Variants in CTNNA3 observed in about 807,000 individuals in gnomAD.
CTNNA3 encodes catenin alpha 3, also known as catenin alpha-3.
In CTNNA3, 76 loss-of-function variants were observed where a neutral mutation model predicts 95.7. The observed-to-expected ratio is 0.79, with a 90% CI of 0.66 to 0.96. CTNNA3 has a LOEUF of 0.96. CTNNA3 is among the 40% of genes least tolerant of loss of function. The pLI is 0.00. For synonymous variants in CTNNA3, 431 were observed against 374.4 expected, an observed-to-expected ratio of 1.15 and a Z score of -1.74; for missense variants, 1,191 against 1,089.8, an observed-to-expected ratio of 1.09 and a Z score of -1.31.
chr10:67,105,264 T>A, intron 7 of CTNNA3, among the ~76,000 whole-genome samples: 1 of 75,382 alleles, frequency 1.3e-5, no homozygotes, highest in East Asian at 3.1e-4. Flanking sequence ...TAGATAGAAT[T>A]AATTCTACCA....
At chr10:66,932,121 T>A (rs1302016128) in intron 7 of CTNNA3, among the ~76,000 whole-genome samples, 1 of 152,100 alleles carries the variant, frequency 6.6e-6, no homozygotes, top group Non-Finnish European at 1.5e-5. Context: ...CTCCCCCTTT[T>A]CAGCCAGCTG....
At chr10:66,671,295 T>C (rs74141631) in intron 9 of CTNNA3, among the ~76,000 whole-genome samples, 5,194 of 152,240 alleles carry the variant, frequency 0.034, 313 homozygotes, top group African/African-American at 0.12. Flanking sequence ...TTGATCCATA[T>C]TAATTTTGTA....
intron 5 of CTNNA3, among the ~76,000 whole-genome samples, chr10:67,495,534 G>A (rs1838997483): frequency 6.6e-6 from 1 of 152,172 alleles, no homozygotes; most frequent in Non-Finnish European, 1.5e-5. Context: ...GGTAGTGGCA[G>A]ACAGTAGTGG....
At chr10:66,561,915 A>G (rs955924070) in intron 10 of CTNNA3, among the ~76,000 whole-genome samples, 2 of 152,086 alleles carry the variant, frequency 1.3e-5, no homozygotes, top group Admixed American at 6.6e-5. Context: ...TTGGCAATAT[A>G]CATCGTGACG....
chr10:65,982,460 T>G (rs1233093428), intron 16 of CTNNA3, among the ~76,000 whole-genome samples: 1 of 151,056 alleles, frequency 6.6e-6, no homozygotes, highest in Admixed American at 6.6e-5. Flanking sequence ...CTTAAAGAAC[T>G]GAAAGTAGAA....
At chr10:66,540,718 TA>T (rs1841821123) in intron 10 of CTNNA3, among the ~76,000 whole-genome samples, 1 of 151,904 alleles carries the variant, frequency 6.6e-6, no homozygotes, top group African/African-American at 2.4e-5. Flanking sequence ...GCACCTAGTT[TA>T]AGGTTATCAG....
intron 5 of CTNNA3, among the ~76,000 whole-genome samples, chr10:67,329,694 G>T (rs1841705095): frequency 6.6e-6 from 1 of 152,130 alleles, no homozygotes; most frequent in East Asian, 1.9e-4. Flanking sequence ...TTTACGGAGG[G>T]CTTACTATGC....
At chr10:67,244,060 C>T (rs182770477) in intron 5 of CTNNA3, among the ~76,000 whole-genome samples, 105 of 152,238 alleles carry the variant, frequency 6.9e-4, no homozygotes, top group Non-Finnish European at 6.5e-4. Context: ...TTTACTTTTC[C>T]ATGAAATAAA....
intron 7 of CTNNA3, among the ~76,000 whole-genome samples, chr10:66,957,729 G>C (rs1180100958): frequency 6.6e-6 from 1 of 151,982 alleles, no homozygotes; most frequent in Non-Finnish European, 1.5e-5. Context: ...GACAGCATCA[G>C]CAGGATGGCA....
chr10:66,911,226 G>A (rs1846209574), intron 7 of CTNNA3, among the ~76,000 whole-genome samples: 2 of 152,140 alleles, frequency 1.3e-5, no homozygotes, highest in East Asian at 1.9e-4. Context: ...AACAGTAGGA[G>A]GAACTTAAAA....
chr10:66,810,659 A>G (rs558268813), intron 7 of CTNNA3, among the ~76,000 whole-genome samples: 1 of 152,286 alleles, frequency 6.6e-6, no homozygotes, highest in African/African-American at 2.4e-5. Context: ...AAAATCTTCA[A>G]TGTTTTCTCA....
intron 17 of CTNNA3, among the ~76,000 whole-genome samples, chr10:65,924,889 T>C (rs1191482020): frequency 6.6e-6 from 1 of 152,168 alleles, no homozygotes; most frequent in Non-Finnish European, 1.5e-5. Flanking sequence ...AGAGAGTGTG[T>C]GCAGAGGAAC....
At chr10:66,315,524 G>C (rs2132272333) in intron 12 of CTNNA3, among the ~76,000 whole-genome samples, 1 of 151,882 alleles carries the variant, frequency 6.6e-6, no homozygotes, top group Admixed American at 6.6e-5. Flanking sequence ...GTGTGTGTGT[G>C]TGTGTGTAAA....
intron 13 of CTNNA3, among the ~76,000 whole-genome samples, chr10:66,140,734 T>A (rs1266622196): frequency 6.6e-6 from 1 of 152,224 alleles, no homozygotes; most frequent in Non-Finnish European, 1.5e-5. Context: ...AAGACCTATG[T>A]GAGGAAGTGC....
intron 11 of CTNNA3, among the ~76,000 whole-genome samples, chr10:66,416,746 C>T (rs2093149608): frequency 6.6e-6 from 1 of 151,904 alleles, no homozygotes; most frequent in African/African-American, 2.4e-5. Flanking sequence ...TAAAGTCTTT[C>T]TCAGACAAGA....
chr10:66,901,116 G>A (rs2132525283), intron 7 of CTNNA3, among the ~76,000 whole-genome samples: 1 of 152,230 alleles, frequency 6.6e-6, no homozygotes, highest in East Asian at 1.9e-4. Flanking sequence ...AAATGTTAAG[G>A]GCAGCCAGAG....
chr10:66,966,494 T>TC, intron 7 of CTNNA3, among the ~76,000 whole-genome samples: 1 of 150,992 alleles, frequency 6.6e-6, no homozygotes, highest in South Asian at 2.1e-4. Context: ...TATTTTTTTT[T>TC]TCAGGATATA....
intron 7 of CTNNA3, among the ~76,000 whole-genome samples, chr10:67,172,057 A>G (rs997147901): frequency 1.3e-5 from 2 of 152,152 alleles, no homozygotes; most frequent in Non-Finnish European, 2.9e-5. Flanking sequence ...CAAACAACCT[A>G]TGTGATTCCT....
At chr10:67,652,365 G>C (rs1839900942) in intron 1 of CTNNA3, among the ~76,000 whole-genome samples, 1 of 152,200 alleles carries the variant, frequency 6.6e-6, no homozygotes, top group South Asian at 2.1e-4. Flanking sequence ...GGATTCCCAA[G>C]AAAGTTTCTG....
Sources: allele counts gnomAD v4.1 joint callset (sites outside exome capture counted in the v4.1 genomes callset), GRCh38; gene constraint gnomAD v4.1.1; transcripts MANE v1.5; gene names NCBI Gene and HGNC (gene_info 2026-07-23, HGNC 2026-07-21).